Variants in LINGO2 observed in about 807,000 individuals in gnomAD.
The protein encoded by LINGO2 is leucine-rich repeat and immunoglobulin-like domain-containing nogo receptor-interacting protein 2.
In LINGO2, 14 loss-of-function variants were observed where a neutral mutation model predicts 30.6. That is an observed-to-expected ratio of 0.46 (90% CI 0.30 to 0.72). LINGO2 has a LOEUF of 0.72. Among genes scored for constraint, LINGO2 ranks in the 30% least tolerant of loss-of-function variants. The pLI is 0.07. For missense variants in LINGO2, 729 were observed against 751.7 expected (o/e 0.97, Z 0.35); for synonymous variants, 317 against 288.5 (o/e 1.10, Z -1.00).
the LINGO2 span, among the ~76,000 whole-genome samples, chr9:28,970,551 G>A: frequency 3.9e-5 from 6 of 152,136 alleles, no homozygotes; most frequent in East Asian, 3.9e-4. Context: ...GCAGGGTGTG[G>A]AGAGTGTTTC....
the LINGO2 span, among the ~76,000 whole-genome samples, chr9:29,152,664 A>G: frequency 6.6e-6 from 1 of 152,176 alleles, no homozygotes; most frequent in Non-Finnish European, 1.5e-5. Flanking sequence ...GAAATGGGGA[A>G]AGGCTGAAAA....
chr9:28,690,728 TC>T, the LINGO2 span, among the ~76,000 whole-genome samples: 1 of 152,170 alleles, frequency 6.6e-6, no homozygotes, highest in Non-Finnish European at 1.5e-5. Context: ...AATTCCCCAG[TC>T]CTTTAATCTA....
chr9:28,462,300 T>A (rs1186239200), intron 2 of LINGO2, among the ~76,000 whole-genome samples: 1 of 151,216 alleles, frequency 6.6e-6, no homozygotes, highest in Non-Finnish European at 1.5e-5. Context: ...TTATGGCAGA[T>A]AATTTGATTT....
intron 5 of LINGO2, among the ~76,000 whole-genome samples, chr9:27,981,571 A>AAAAAAAAAAAAAAAAAAAG (rs1820876000): frequency 1.3e-5 from 1 of 74,232 alleles, no homozygotes; most frequent in African/African-American, 3.7e-5. Context: ...AAAAAAAAAG[A>AAAAAAAAAAAAAAAAAAAG]AAAAAAAAAG....
chr9:28,839,939 A>C, the LINGO2 span, among the ~76,000 whole-genome samples: 1 of 152,022 alleles, frequency 6.6e-6, no homozygotes, highest in East Asian at 1.9e-4. Flanking sequence ...TCCTGTGCTC[A>C]TCAGTGCCCA....
intron 1 of LINGO2, among the ~76,000 whole-genome samples, chr9:28,589,372 C>G (rs1327198687): frequency 1.3e-5 from 2 of 152,130 alleles, no homozygotes; most frequent in Admixed American, 1.3e-4. Context: ...TCTCTGTTTG[C>G]AGATGACATG....
rs75600244 is a variant in LINGO2 at position 28,339,707 on chromosome 9, T to C, written c.-246+33129A>G. Among the ~76,000 whole-genome samples the C allele has an allele frequency of 9.4e-3, 1,424 of 152,274 alleles. 18 individuals are homozygous for C. Among genetic ancestry groups the C allele is most frequent in the African/African-American group, 0.032 (1,317 of 41,558 alleles). On this transcript the variant is annotated intron_variant, in intron 3 of 5. Transcript: ENST00000379992. ...TAAATTTTTACTTTAATTATCATAA[T>C]GAAATCTGCATATACTTGAAAACCA...
the LINGO2 span, among the ~76,000 whole-genome samples, chr9:28,729,849 G>C: frequency 6.6e-6 from 1 of 151,570 alleles, no homozygotes; most frequent in South Asian, 2.1e-4. Flanking sequence ...GATGACTAGG[G>C]GTCCAAAAAG....
At chr9:28,264,883 C>G (rs910483963) in intron 4 of LINGO2, among the ~76,000 whole-genome samples, 17 of 151,916 alleles carry the variant, frequency 1.1e-4, no homozygotes, top group African/African-American at 4.1e-4. Context: ...AGTGCCCTCA[C>G]AATGTGGGTG....
At chr9:28,910,086 A>T in the LINGO2 span, among the ~76,000 whole-genome samples, 53 of 152,174 alleles carry the variant, frequency 3.5e-4, no homozygotes, top group Admixed American at 2.8e-3. Flanking sequence ...ATTAAATTTT[A>T]AAAAATAATA....
At chr9:27,942,971 G>C in the LINGO2 span, 1 of 152,094 alleles carries the variant, frequency 6.6e-6, no homozygotes, top group East Asian at 1.9e-4. Flanking sequence ...CTTCCAAACA[G>C]CCTCTATGCA....
chr9:28,800,843 T>C, the LINGO2 span, among the ~76,000 whole-genome samples: 1 of 152,122 alleles, frequency 6.6e-6, no homozygotes, highest in South Asian at 2.1e-4. Context: ...ACAATGGGGT[T>C]ATATTACAAT....
chr9:28,652,942 A>G (rs763331020), intron 1 of LINGO2, among the ~76,000 whole-genome samples: 2 of 152,074 alleles, frequency 1.3e-5, no homozygotes, highest in Admixed American at 6.6e-5. Flanking sequence ...TTTAGGAGAA[A>G]GTGCGTTAGT....
chr9:28,930,356 T>C, the LINGO2 span, among the ~76,000 whole-genome samples: 2 of 152,172 alleles, frequency 1.3e-5, no homozygotes, highest in Non-Finnish European at 2.9e-5. The surrounding 1 kb of genome is among the most constrained non-coding windows in gnomAD (Gnocchi z 4.2). Flanking sequence ...CTGTTTCTTA[T>C]AATGTTTCTT....
chr9:29,141,782 T>C, the LINGO2 span, among the ~76,000 whole-genome samples: 1 of 151,330 alleles, frequency 6.6e-6, no homozygotes, highest in African/African-American at 2.4e-5. Flanking sequence ...AGATTTGAGG[T>C]AAAAAAACTG....
At chr9:28,411,817 T>C (rs1822775901) in intron 2 of LINGO2, among the ~76,000 whole-genome samples, 1 of 152,146 alleles carries the variant, frequency 6.6e-6, no homozygotes, top group Non-Finnish European at 1.5e-5. Context: ...GGTAAATCTA[T>C]CTTTAAGTCT....
chr9:28,809,163 A>G, the LINGO2 span, among the ~76,000 whole-genome samples: 2 of 152,244 alleles, frequency 1.3e-5, no homozygotes, highest in Admixed American at 1.3e-4. Context: ...AATATTATAC[A>G]CAATTTATTT....
chr9:28,461,014 C>A (rs755020094), intron 2 of LINGO2, among the ~76,000 whole-genome samples: 2 of 152,036 alleles, frequency 1.3e-5, no homozygotes, highest in African/African-American at 2.4e-5. Context: ...ACAATATAAC[C>A]CTAAACACTT....
chr9:28,019,062 G>T (rs1171850833), intron 4 of LINGO2, among the ~76,000 whole-genome samples: 1 of 152,010 alleles, frequency 6.6e-6, no homozygotes, highest in Non-Finnish European at 1.5e-5. Context: ...CTTATACATG[G>T]GAGCCAAACA....
Sources: gnomAD v4.1 joint callset for allele counts (sites outside exome capture counted in the v4.1 genomes callset) on GRCh38, gnomAD v4.1.1 for gene constraint, Gnocchi (gnomAD v3.1) non-coding constraint, MANE v1.5 for transcripts, NCBI Gene and HGNC (gene_info 2026-07-23, HGNC 2026-07-21) for gene names.